AUTS2: variants seen among roughly 807,000 people sequenced by gnomAD.
AUTS2 encodes autism susceptibility gene 2 protein.
In AUTS2, 17 loss-of-function variants were observed where a neutral mutation model predicts 112.4. That is an observed-to-expected ratio of 0.15 (90% confidence interval 0.10 to 0.23). The LOEUF is 0.23. Ranked by LOEUF, AUTS2 falls within the 10% of genes least tolerant of loss-of-function variation. AUTS2 has a pLI of 1.00. For synonymous variants in AUTS2, 751 were observed against 702.7 expected (o/e 1.07, Z -1.09); for missense variants, 1,510 against 1,701.6 (o/e 0.89, Z 1.98).
At chr7:70,458,722 A>G (rs992764927) in intron 5 of AUTS2, among the ~76,000 whole-genome samples, 1 of 152,076 alleles carries the variant, frequency 6.6e-6, no homozygotes, top group East Asian at 1.9e-4. Context: ...CGGGGACCAT[A>G]CTTTAGGAAT....
intron 1 of AUTS2, among the ~76,000 whole-genome samples, chr7:69,715,227 TAAA>T (rs61555118): frequency 7.7e-5 from 10 of 129,410 alleles, no homozygotes; most frequent in Admixed American, 3.2e-4. Context: ...CAGGCATAAG[TAAA>T]AAAAAAAAAA....
chr7:69,892,308 A>G (rs1188038010), intron 1 of AUTS2, among the ~76,000 whole-genome samples: 2 of 151,192 alleles, frequency 1.3e-5, no homozygotes, highest in Admixed American at 1.3e-4. Context: ...AGTAGCTGGG[A>G]CTATAGGCGC....
intron 4 of AUTS2, among the ~76,000 whole-genome samples, chr7:70,186,976 A>C (rs530234715): frequency 1.3e-5 from 2 of 152,348 alleles, no homozygotes; most frequent in South Asian, 4.1e-4. Flanking sequence ...AGGTTAAAGA[A>C]ACTTGCCCAA....
chr7:70,279,334 T>G (rs539539393), intron 4 of AUTS2, among the ~76,000 whole-genome samples: 1 of 152,256 alleles, frequency 6.6e-6, no homozygotes, highest in South Asian at 2.1e-4. Context: ...GCCAAATGAT[T>G]TTGGAAAGTT....
At chr7:70,265,151 A>G (rs1440063775) in intron 4 of AUTS2, among the ~76,000 whole-genome samples, 2 of 152,240 alleles carry the variant, frequency 1.3e-5, no homozygotes, top group African/African-American at 4.8e-5. Context: ...ATCTACAAAC[A>G]CAAGGATTGA....
chr7:69,954,107 T>C (rs1797128760), intron 2 of AUTS2, among the ~76,000 whole-genome samples: 2 of 152,164 alleles, frequency 1.3e-5, no homozygotes, highest in Admixed American at 1.3e-4. Flanking sequence ...AGCTTGATTA[T>C]GAGATATATA....
intron 1 of AUTS2, among the ~76,000 whole-genome samples, chr7:69,869,263 A>G (rs1040721823): frequency 1.3e-5 from 2 of 152,082 alleles, no homozygotes; most frequent in African/African-American, 4.8e-5. Flanking sequence ...TGAATACTGG[A>G]TGATGTGGAT....
intron 1 of AUTS2, among the ~76,000 whole-genome samples, chr7:69,811,758 A>G (rs139612329): frequency 2.1e-3 from 325 of 152,088 alleles, no homozygotes; most frequent in African/African-American, 7.3e-3. Flanking sequence ...TGTTCCCCCA[A>G]TGCATGTTGT....
At chr7:70,105,863 G>A (rs760588410) in intron 2 of AUTS2, among the ~76,000 whole-genome samples, 1 of 152,204 alleles carries the variant, frequency 6.6e-6, no homozygotes, top group South Asian at 2.1e-4. Context: ...GTCTCTGGGG[G>A]CCCTAGTATT....
rs566424136 is a variant in AUTS2 at position 69,848,485 on chromosome 7, C to T, written c.310-50801C>T. 3.3e-5 allele frequency among the ~76,000 whole-genome samples: 5 copies of T among 152,196 alleles called. No individual in the cohort carries two copies. In the South Asian group the frequency reaches 8.3e-4, roughly 25 times the overall value. On this transcript the variant is annotated intron_variant, in intron 1 of 18. Coordinates refer to ENST00000342771, the MANE Select transcript of AUTS2 (RefSeq NM_015570.4). The stretch of plus-strand genomic sequence containing the variant: ...GGTTTTGACTAAACAAGGGTGTGTG[C>T]GTGTGTGTTTGTGTGTGTGTGCACA...
At chr7:70,321,037 C>T (rs993143369) in intron 4 of AUTS2, among the ~76,000 whole-genome samples, 4 of 152,168 alleles carry the variant, frequency 2.6e-5, no homozygotes, top group African/African-American at 9.7e-5. Flanking sequence ...AACAACATGA[C>T]GACATTTACC....
chr7:70,688,390 A>T (rs1446426611), intron 5 of AUTS2, among the ~76,000 whole-genome samples: 1 of 152,218 alleles, frequency 6.6e-6, no homozygotes, highest in African/African-American at 2.4e-5. Flanking sequence ...CAAACAGATA[A>T]TAAAGTGTTG....
At chr7:70,162,405 C>A (rs1410626310) in intron 4 of AUTS2, among the ~76,000 whole-genome samples, 2 of 138,724 alleles carry the variant, frequency 1.4e-5, no homozygotes, top group Admixed American at 1.5e-4. Flanking sequence ...GAGATCCCGC[C>A]ACTGCACTCC....
chr7:70,403,503 T>C (rs10279237), intron 4 of AUTS2, among the ~76,000 whole-genome samples: 35,873 of 152,214 alleles, frequency 0.24, 4,599 homozygotes, highest in Middle Eastern at 0.33. Context: ...CTGCCTGGCG[T>C]CTGCCTGCCT....
intron 1 of AUTS2, among the ~76,000 whole-genome samples, chr7:69,800,037 G>A (rs1197583257): frequency 6.6e-6 from 1 of 152,196 alleles, no homozygotes; most frequent in African/African-American, 2.4e-5. Context: ...TAACTCATGT[G>A]TCAGTAACCT....
chr7:69,812,746 T>A (rs779369586), intron 1 of AUTS2, among the ~76,000 whole-genome samples: 25 of 152,118 alleles, frequency 1.6e-4, no homozygotes, highest in Admixed American at 7.9e-4. Flanking sequence ...CTTTGAAATA[T>A]TGCCTACTTT....
intron 4 of AUTS2, among the ~76,000 whole-genome samples, chr7:70,250,276 G>A (rs1021132563): frequency 2.0e-5 from 3 of 152,168 alleles, no homozygotes; most frequent in Non-Finnish European, 4.4e-5. Flanking sequence ...AGACTGTCTG[G>A]ATTTTCCTTC....
At chr7:70,673,837 A>G (rs965354601) in intron 5 of AUTS2, among the ~76,000 whole-genome samples, 15 of 152,192 alleles carry the variant, frequency 9.9e-5, no homozygotes, top group Non-Finnish European at 2.9e-5. Flanking sequence ...TTTCTAGAAG[A>G]CCTTAGTAGA....
chr7:70,124,409 CTT>C (rs985807935), intron 3 of AUTS2, among the ~76,000 whole-genome samples: 3 of 152,104 alleles, frequency 2.0e-5, no homozygotes, highest in African/African-American at 7.2e-5. Flanking sequence ...CTTTTGATGA[CTT>C]TGTCATGAAA....
Sources: allele counts gnomAD v4.1 joint callset (sites outside exome capture counted in the v4.1 genomes callset), GRCh38; gene constraint gnomAD v4.1.1; transcripts MANE v1.5; gene names NCBI Gene and HGNC (gene_info 2026-07-23, HGNC 2026-07-21).